Variants in SYN3 observed in about 807,000 individuals in gnomAD.
SYN3 encodes synapsin-3.
Under a neutral mutation model 65.8 loss-of-function variants are expected in SYN3, and 35 were observed. The ratio of observed to expected loss-of-function variants is 0.53; its 90% confidence interval spans 0.41 to 0.70. SYN3 has a LOEUF of 0.70. Among genes scored for constraint, SYN3 ranks in the 30% least tolerant of loss-of-function variants. The pLI is 0.00. For missense variants in SYN3, 680 were observed against 749.0 expected (o/e 0.91, Z 1.08); for synonymous variants, 270 against 292.9 (o/e 0.92, Z 0.80).
intron 6 of SYN3, among the ~76,000 whole-genome samples, chr22:32,852,737 A>ATGTGTG (rs113858544): frequency 1.6e-4 from 25 of 151,594 alleles, no homozygotes; most frequent in South Asian, 1.0e-3. Context: ...GACCTGCGAT[A>ATGTGTG]TGTGTGTGTG....
intron 4 of SYN3, among the ~76,000 whole-genome samples, chr22:32,880,524 AC>A (rs1436363376): frequency 6.6e-6 from 1 of 151,830 alleles, no homozygotes; most frequent in Non-Finnish European, 1.5e-5. Flanking sequence ...TCAGTCACTG[AC>A]CCCCTGGTGG....
chr22:32,929,498 C>T (rs144851149), intron 4 of SYN3, among the ~76,000 whole-genome samples: 12 of 152,162 alleles, frequency 7.9e-5, no homozygotes, highest in African/African-American at 9.6e-5. Flanking sequence ...AGCTATTATA[C>T]AAAAAAATTA....
At chr22:32,521,598 C>T (rs1487175206) in intron 12 of SYN3, among the ~76,000 whole-genome samples, 1 of 152,072 alleles carries the variant, frequency 6.6e-6, no homozygotes, top group Non-Finnish European at 1.5e-5. Context: ...AGGCGTCCGC[C>T]ACCACGCCCA....
At chr22:33,034,096 G>C (rs2053807741) in intron 1 of SYN3, among the ~76,000 whole-genome samples, 1 of 151,456 alleles carries the variant, frequency 6.6e-6, no homozygotes, top group African/African-American at 2.4e-5. Context: ...TGAGGCAAGA[G>C]AATCACTTGA....
chr22:32,821,076 G>A (rs1405782361), intron 6 of SYN3, among the ~76,000 whole-genome samples: 1 of 151,984 alleles, frequency 6.6e-6, no homozygotes, highest in African/African-American at 2.4e-5. Flanking sequence ...AATACCCACC[G>A]GTGCAATCTC....
chr22:32,715,675 G>C (rs1224598983), intron 6 of SYN3, among the ~76,000 whole-genome samples: 2 of 151,596 alleles, frequency 1.3e-5, no homozygotes, highest in Non-Finnish European at 2.9e-5. Flanking sequence ...AGTTACTCGG[G>C]AGGCTGAGGC....
At chr22:32,553,701 C>T (rs1262220818) in intron 7 of SYN3, among the ~76,000 whole-genome samples, 2 of 152,186 alleles carry the variant, frequency 1.3e-5, no homozygotes, top group African/African-American at 2.4e-5. Context: ...TGTCAGCCTA[C>T]TCTGGCCTTT....
intron 1 of SYN3, among the ~76,000 whole-genome samples, chr22:33,008,702 C>T (rs909025320): frequency 1.1e-4 from 16 of 151,998 alleles, no homozygotes; most frequent in African/African-American, 3.6e-4. Flanking sequence ...TCACTTGAAG[C>T]CAGGAGTTTG....
Position 32,740,594 on chromosome 22 carries a change from G to A in SYN3, c.711+124321C>T, listed in dbSNP as rs557809581. ...TGTGGCTGGAATACCAGACTTGGGG[G>A]CAGAAATGCAGCTGGAAATTGCAGA... On this transcript the variant is annotated intron_variant, in intron 6 of 13. Coordinates refer to ENST00000358763, the MANE Select transcript of SYN3 (RefSeq NM_003490.4). 3.5e-4 allele frequency among the ~76,000 whole-genome samples: 53 copies of A among 152,306 alleles called. 1 individual carries two copies. Among genetic ancestry groups the A allele is most frequent in the African/African-American group, 1.3e-3 (53 of 41,572 alleles).
chr22:32,990,865 T>C (rs2052693000), intron 2 of SYN3, among the ~76,000 whole-genome samples: 1 of 151,714 alleles, frequency 6.6e-6, no homozygotes, highest in African/African-American at 2.4e-5. Context: ...CTGGCCAACA[T>C]AGCGAAAACC....
At chr22:32,569,555 C>CTATATATATA (rs1230609085) in intron 7 of SYN3, among the ~76,000 whole-genome samples, 3 of 109,720 alleles carry the variant, frequency 2.7e-5, no homozygotes, top group African/African-American at 7.0e-5. Context: ...CTCTCTCTCT[C>CTATATATATA]TCTCTCTCTC....
intron 6 of SYN3, among the ~76,000 whole-genome samples, chr22:32,797,342 G>T (rs2046453974): frequency 6.6e-6 from 1 of 152,172 alleles, no homozygotes; most frequent in South Asian, 2.1e-4. Context: ...TTAGACTCCA[G>T]CAAGGGAAAC....
chr22:32,632,968 G>T (rs2059766591), intron 6 of SYN3, among the ~76,000 whole-genome samples: 1 of 152,194 alleles, frequency 6.6e-6, no homozygotes, highest in South Asian at 2.1e-4. Flanking sequence ...TTATATAGTG[G>T]TCAAGCGTGT....
intron 6 of SYN3, among the ~76,000 whole-genome samples, chr22:32,781,042 C>CCCCT (rs1157072414): frequency 1.1e-5 from 1 of 90,614 alleles, no homozygotes; most frequent in Non-Finnish European, 2.3e-5. Flanking sequence ...TTCTTTCTTT[C>CCCCT]CCCTCCCTCC....
intron 2 of SYN3, among the ~76,000 whole-genome samples, chr22:32,986,248 C>T (rs1395410575): frequency 6.6e-6 from 1 of 152,170 alleles, no homozygotes; most frequent in East Asian, 1.9e-4. Context: ...CACAGGTCTA[C>T]AGCCACTGCG....
At chr22:32,823,249 G>A (rs530003690) in intron 6 of SYN3, among the ~76,000 whole-genome samples, 14 of 152,274 alleles carry the variant, frequency 9.2e-5, no homozygotes, top group East Asian at 5.8e-4. Flanking sequence ...TGTAAGTCCC[G>A]TGGTCAGTTA....
At chr22:32,607,885 G>C (rs2059392389) in intron 6 of SYN3, among the ~76,000 whole-genome samples, 1 of 152,158 alleles carries the variant, frequency 6.6e-6, no homozygotes, top group Admixed American at 6.5e-5. Flanking sequence ...TCTGGGGAGG[G>C]TCTGAATGAT....
chr22:32,855,826 C>A (rs540147470), intron 6 of SYN3, among the ~76,000 whole-genome samples: 3 of 152,270 alleles, frequency 2.0e-5, no homozygotes, highest in South Asian at 2.1e-4. Flanking sequence ...CAGTTGAGAA[C>A]CACTGTATTA....
chr22:32,941,974 G>A (rs1022191769), intron 3 of SYN3, among the ~76,000 whole-genome samples: 3 of 152,202 alleles, frequency 2.0e-5, no homozygotes, highest in Admixed American at 6.5e-5. Context: ...GAAGCCCACC[G>A]CAGCTCAAGG....
Sources: allele counts gnomAD v4.1 joint callset (sites outside exome capture counted in the v4.1 genomes callset), GRCh38; gene constraint gnomAD v4.1.1; transcripts MANE v1.5; gene names NCBI Gene and HGNC (gene_info 2026-07-23, HGNC 2026-07-21).